ARHGEF26: variants seen among roughly 807,000 people sequenced by gnomAD.
ARHGEF26 encodes Rho guanine nucleotide exchange factor (GEF) 26.
In ARHGEF26, 59 loss-of-function variants were observed where a neutral mutation model predicts 89.4. The observed-to-expected ratio is 0.66, with a 90% CI of 0.54 to 0.82. The LOEUF (loss-of-function observed/expected upper bound fraction) is 0.82. ARHGEF26 is among the 40% of genes least tolerant of loss of function. The pLI, the probability that ARHGEF26 is intolerant of heterozygous loss-of-function variation, is 0.00. For missense variants in ARHGEF26, 1,234 were observed against 1,085.6 expected (o/e 1.14, Z -1.92); for synonymous variants, 500 against 428.4 (o/e 1.17, Z -2.06).
intron 4 of ARHGEF26, among the ~76,000 whole-genome samples, chr3:154,133,987 T>A (rs1160006046): frequency 6.6e-6 from 1 of 152,166 alleles, no homozygotes; most frequent in African/African-American, 2.4e-5. Flanking sequence ...GATCTGGCTC[T>A]TGGCTTGACT....
At chr3:154,128,950 T>TC (rs1718508198) in intron 3 of ARHGEF26, among the ~76,000 whole-genome samples, 1 of 152,206 alleles carries the variant, frequency 6.6e-6, no homozygotes, top group Non-Finnish European at 1.5e-5. Context: ...CTCTCATGCT[T>TC]TAGTATCAGC....
intron 12 of ARHGEF26, among the ~76,000 whole-genome samples, chr3:154,246,248 A>G (rs1042540456): frequency 6.6e-6 from 1 of 152,200 alleles, no homozygotes; most frequent in Non-Finnish European, 1.5e-5. Context: ...TGTTTCAGCC[A>G]AAGGGAACAG....
intron 12 of ARHGEF26, among the ~76,000 whole-genome samples, chr3:154,252,568 A>C (rs1222430692): frequency 1.3e-5 from 2 of 152,184 alleles, no homozygotes; most frequent in African/African-American, 4.8e-5. Flanking sequence ...AAACCATTTT[A>C]AGCATTTGGG....
At chr3:154,191,003 C>T (rs1282274385) in intron 7 of ARHGEF26, among the ~76,000 whole-genome samples, 1 of 152,180 alleles carries the variant, frequency 6.6e-6, no homozygotes, top group Non-Finnish European at 1.5e-5. Flanking sequence ...ACAGCTTCTT[C>T]ATTTGCTTAC....
At chr3:154,247,937 T>A (rs1717899136) in intron 12 of ARHGEF26, among the ~76,000 whole-genome samples, 1 of 152,224 alleles carries the variant, frequency 6.6e-6, no homozygotes, top group Non-Finnish European at 1.5e-5. Context: ...GTCATTCTTT[T>A]TTCCCTCTGG....
In ARHGEF26 at chr3:154,208,556, T is replaced by C. The variant is rs113633594; in HGVS notation, c.1846-9313T>C. On this transcript the variant is annotated intron_variant, in intron 9 of 14. Coordinates refer to ENST00000465093, the MANE Select transcript of ARHGEF26 (RefSeq NM_015595.4). ...ACCCCGTCTCTTTCTCTACCTCTTC[T>C]TTAAGCCCAATAACTCTTAGATTTT... 3.2e-3 allele frequency among the ~76,000 whole-genome samples: 491 copies of C among 152,202 alleles called. 4 individuals carry two copies. The highest frequency in any genetic ancestry group is 0.011 in the African/African-American group (456 of 41,552).
At chr3:154,125,715 T>C (rs1718289419) in intron 3 of ARHGEF26, among the ~76,000 whole-genome samples, 1 of 152,216 alleles carries the variant, frequency 6.6e-6, no homozygotes, top group Non-Finnish European at 1.5e-5. Context: ...TTTTACGTTA[T>C]TTCCTTTTAT....
chr3:154,138,455 A>G (rs1250223416), intron 4 of ARHGEF26, among the ~76,000 whole-genome samples: 6 of 152,196 alleles, frequency 3.9e-5, no homozygotes, highest in Non-Finnish European at 5.9e-5. Flanking sequence ...GAGATTGAGG[A>G]AAAAACTACT....
chr3:154,136,279 G>C (rs2313177), intron 4 of ARHGEF26, among the ~76,000 whole-genome samples: 14,945 of 112,926 alleles, frequency 0.13, 1,996 homozygotes, highest in South Asian at 0.18. Flanking sequence ...AGTATTTTAA[G>C]TAAAGTATTT....
intron 11 of ARHGEF26, among the ~76,000 whole-genome samples, chr3:154,237,704 A>G (rs758343623): frequency 1.3e-5 from 2 of 152,252 alleles, no homozygotes; most frequent in Non-Finnish European, 2.9e-5. Flanking sequence ...ATCTCAAATG[A>G]TGACTTTATA....
In ARHGEF26 at chr3:154,254,779, C is replaced by G. The variant is rs948921265; in HGVS notation, c.2428C>G (p.Leu810Val). ...FTAKQPDELS[L>V]QVADVVLIYQ... Reference sequence around the variant, plus strand: ...TGCTAAGCAGCCAGATGAACTCTCCCTGCAGGTGGCTGACGTCGTCCTCAT... The same window carrying G: ...TGCTAAGCAGCCAGATGAACTCTCCGTGCAGGTGGCTGACGTCGTCCTCAT... The change falls in exon 14 of 15, where the codon CTG becomes GTG. Residue 810 changes from leucine (L) to valine (V), a missense_variant. Leu to Val is a conservative substitution (Grantham distance 32). Transcript: ENST00000465093. 1.2e-6 allele frequency: 2 copies of G among 1,613,926 alleles called. No homozygotes were observed. The highest frequency in any genetic ancestry group is 1.7e-6 in the Non-Finnish European group (2 of 1,179,842).
chr3:154,214,366 C>T (rs1054896157), intron 9 of ARHGEF26, among the ~76,000 whole-genome samples: 15 of 152,128 alleles, frequency 9.9e-5, no homozygotes, highest in African/African-American at 3.6e-4. Context: ...AGCAAGAGGT[C>T]TGAGCCTGAG....
At chr3:154,232,150 C>T (rs1310199648) in intron 11 of ARHGEF26, among the ~76,000 whole-genome samples, 1 of 152,090 alleles carries the variant, frequency 6.6e-6, no homozygotes, top group Non-Finnish European at 1.5e-5. Flanking sequence ...TGGTGACAGC[C>T]TCTCAGAACT....
At chr3:154,194,919 T>A (rs752596971) in intron 9 of ARHGEF26, among the ~76,000 whole-genome samples, 2 of 152,202 alleles carry the variant, frequency 1.3e-5, no homozygotes, top group African/African-American at 2.4e-5. Context: ...CAGTTTTGTT[T>A]TAAGAGCCTA....
At chr3:154,179,972 C>T (rs1201863656) in intron 6 of ARHGEF26, among the ~76,000 whole-genome samples, 3 of 152,148 alleles carry the variant, frequency 2.0e-5, no homozygotes, top group East Asian at 1.9e-4. Flanking sequence ...AGGCTGTTTC[C>T]TTCTGGAGGC....
rs1283744910 is a variant in ARHGEF26, at chr3:154,257,644, G to T, written c.*2171G>T. 1.6e-5 allele frequency: 2 copies of T among 126,842 alleles called. No homozygotes were observed. The highest frequency in any genetic ancestry group is 3.2e-5 in the African/African-American group (1 of 31,668). The allele number at this position is 126,842 out of a possible 1,614,324, so 7.9% of individuals were successfully genotyped here. ...TTTAACACATTCACAGTGTTTGTTT[G>T]ATTTCAACTGTGAATTGTCTTAAGT... On this transcript the variant is annotated 3_prime_UTR_variant, in exon 15 of 15. Transcript: ENST00000465093.
intron 4 of ARHGEF26, among the ~76,000 whole-genome samples, chr3:154,142,847 T>C (rs989568822): frequency 6.6e-6 from 1 of 152,212 alleles, no homozygotes; most frequent in Non-Finnish European, 1.5e-5. Flanking sequence ...TGCTTGCAGA[T>C]TGGCCTGTCA....
intron 6 of ARHGEF26, among the ~76,000 whole-genome samples, chr3:154,174,070 G>C (rs765812290): frequency 6.6e-6 from 1 of 152,138 alleles, no homozygotes; most frequent in Non-Finnish European, 1.5e-5. Flanking sequence ...TCTGACTCCA[G>C]AGCTCTCTCT....
At chr3:154,170,766 A>G (rs570711034) in intron 6 of ARHGEF26, among the ~76,000 whole-genome samples, 4 of 152,310 alleles carry the variant, frequency 2.6e-5, no homozygotes, top group African/African-American at 9.6e-5. Context: ...GATTAGAGTA[A>G]TTGCATCTCC....
Sources: gnomAD v4.1 joint callset for allele counts (sites outside exome capture counted in the v4.1 genomes callset) on GRCh38, gnomAD v4.1.1 for gene constraint, MANE v1.5 for transcripts, NCBI Gene and HGNC (gene_info 2026-07-23, HGNC 2026-07-21) for gene names.